Variants in SI observed in about 807,000 individuals in gnomAD.
SI encodes the protein sucrase-isomaltase.
A neutral mutation model predicts 253.3 loss-of-function variants in SI; 235 were observed. The ratio of observed to expected loss-of-function variants is 0.93; its 90% CI spans 0.83 to 1.03. The LOEUF (loss-of-function observed/expected upper bound fraction) is 1.03. Among genes scored for constraint, SI ranks in the 50% least tolerant of loss-of-function variants. SI has a pLI of 0.00. For missense variants in SI, 2,442 were observed against 2,211.1 expected, an observed-to-expected ratio of 1.10 and a Z score of -2.09; for synonymous variants, 819 against 712.0, an observed-to-expected ratio of 1.15 and a Z score of -2.39.
At chr3:165,039,808 A>T (rs2108216952) in intron 19 of SI, 79 bp downstream of exon 19, 1 of 956,610 alleles carries the variant, frequency 1.0e-6, no homozygotes, top group Non-Finnish European at 1.7e-6. Flanking sequence ...AACATCTATT[A>T]TTCAGATGTT....
chr3:165,038,570 T>A (rs148603712), intron 20 of SI, among the ~76,000 whole-genome samples: 273 of 129,316 alleles, frequency 2.1e-3, no homozygotes, highest in African/African-American at 5.4e-3. Context: ...AAAAAAAAAA[T>A]AAATAAATAT....
intron 25 of SI, among the ~76,000 whole-genome samples, chr3:165,023,985 C>T (rs1711767829): frequency 6.6e-6 from 1 of 151,332 alleles, no homozygotes; most frequent in African/African-American, 2.4e-5. Context: ...CATTTACACT[C>T]TAGAGAAAGA....
chr3:165,071,059 G>A (rs9810916), intron 3 of SI, among the ~76,000 whole-genome samples: 139,715 of 152,136 alleles, frequency 0.92, 64,179 homozygotes, highest in Middle Eastern at 0.96. Flanking sequence ...TTATAAGGAC[G>A]TTAGTCATTC....
At position 165,041,008 on chromosome 3, in the gene SI, G is replaced by A. The variant is rs1576903735; in HGVS notation, c.2091C>T (p.Pro697=). 3.1e-6 allele frequency: 5 copies of A among 1,612,342 alleles called. No homozygotes were observed. Among genetic ancestry groups the A allele is most frequent in the Non-Finnish European group, 4.2e-6 (5 of 1,178,840 alleles). ...QYLTIRYTLL[P]FLYTLFYKAH... ...CTTTATAAAACAGAGTGTAGAGGAA[G>A]GGTAATAAGGTGTAGCGAATAGTTA... Residue 697 remains proline, a synonymous_variant, in exon 18 of 48, where the codon CCC becomes CCT. Coordinates refer to ENST00000264382, the MANE Select transcript of SI (RefSeq NM_001041.4).
In SI at chr3:165,039,926, C is replaced by G. The variant is rs893468495; in HGVS notation, c.2205G>C (p.Leu735Phe). The change falls in exon 19 of 48, where the codon TTG becomes TTC. Residue 735 changes from leucine (L) to phenylalanine (F), a missense_variant. Transcript: ENST00000264382. ...TNSWIEDTEF[L>F]WGPALLITPV... ...GAGTAATAAGTAATGCAGGGCCCCA[C>G]AAAAACTCAGTGTCCTCAATCCAGC... 1 of 1,613,380 alleles carries G rather than the reference C, an allele frequency of 6.2e-7. No homozygotes were observed. The highest frequency in any genetic ancestry group is 2.2e-5 in the East Asian group (1 of 44,830).
In SI at chr3:165,062,425, A is replaced by G; in HGVS notation, c.966T>C (p.Asp322=). The change falls in exon 9 of 48, where the codon GAT becomes GAC. Residue 322 remains aspartate (D), a synonymous_variant. Coordinates refer to ENST00000264382, the MANE Select transcript of SI (RefSeq NM_001041.4). ...GTGTATCTCCTAGAAGGATGTAAAA[A>G]TCCAGAATGCCACCGGTAACTCTAT... ...VTYRVTGGIL[D]FYILLGDTPE... is the part of the protein sequence containing the mutation. 6.2e-7 allele frequency: 1 copy of G among 1,607,198 alleles called. No homozygotes were observed. Among genetic ancestry groups the G allele is most frequent in the South Asian group, 1.1e-5 (1 of 90,940 alleles).
At chr3:165,073,253 T>C (rs2108110952) in intron 3 of SI, among the ~76,000 whole-genome samples, 1 of 145,942 alleles carries the variant, frequency 6.9e-6, no homozygotes, top group South Asian at 2.2e-4. Context: ...TCTCTCTCTT[T>C]CGAGACGGAG....
chr3:165,013,542 C>A (rs556484881), intron 33 of SI, among the ~76,000 whole-genome samples: 1 of 152,190 alleles, frequency 6.6e-6, no homozygotes, highest in East Asian at 1.9e-4. Flanking sequence ...CACCACTATT[C>A]CCAGCCTGAC....
chr3:165,035,025 G>T (rs111239781), intron 22 of SI, among the ~76,000 whole-genome samples: 1 of 151,956 alleles, frequency 6.6e-6, no homozygotes, highest in Non-Finnish European at 1.5e-5. Flanking sequence ...GGTTGTGAGA[G>T]ATAATAGCCC....
chr3:165,011,673 G>A (rs1198695494), intron 34 of SI, among the ~76,000 whole-genome samples: 2 of 148,606 alleles, frequency 1.3e-5, no homozygotes, highest in Non-Finnish European at 3.0e-5. Flanking sequence ...TTTGCTCTCT[G>A]GTTGTTCTAT....
the SI span, among the ~76,000 whole-genome samples, chr3:165,085,385 C>T: frequency 1.8e-4 from 28 of 152,124 alleles, no homozygotes; most frequent in Non-Finnish European, 4.0e-4. Flanking sequence ...AAGATTACAG[C>T]AATCATCTTC....
chr3:165,021,840 G>A (rs960231380), intron 26 of SI, among the ~76,000 whole-genome samples: 6 of 151,402 alleles, frequency 4.0e-5, no homozygotes, highest in East Asian at 1.9e-4. Context: ...TATACTTACC[G>A]TTTTAGGGTC....
chr3:165,028,536 A>G (rs1194247197), intron 25 of SI, among the ~76,000 whole-genome samples: 4 of 151,708 alleles, frequency 2.6e-5, no homozygotes, highest in Non-Finnish European at 5.9e-5. Flanking sequence ...TTAATTTCAA[A>G]CTATACTATA....
At chr3:165,080,157 A>G (rs186713571), upstream of SI, among the ~76,000 whole-genome samples, 1 of 152,158 alleles carries the variant, frequency 6.6e-6, no homozygotes. Context: ...TTTATGCAAC[A>G]ACATTGATAA....
At position 165,032,584 on chromosome 3, in the gene SI, C is replaced by G; in HGVS notation, c.2674G>C (p.Val892Leu). ...TTCATTGGTTGATTATTTTCCGCCA[C>G]TCTAACTTCTGTAACACTGTCTGTC... is the stretch of plus-strand genomic sequence containing the variant. Reference protein sequence around the residue: ...GLTDSVTEVRVAENNQPMNAH... With the variant: ...GLTDSVTEVRLAENNQPMNAH... The change falls in exon 24 of 48, where the codon GTG becomes CTG. Residue 892 changes from valine (V) to leucine (L), a missense_variant. Transcript: ENST00000264382. 1 of 1,609,644 alleles carries G rather than the reference C, an allele frequency of 6.2e-7. No individual in the cohort carries two copies. The highest frequency in any genetic ancestry group is 8.5e-7 in the Non-Finnish European group (1 of 1,177,166).
chr3:165,037,907 T>TTGTTG lies in SI; in HGVS notation c.2414_2418dup (p.Thr807GlnfsTer10). On this transcript the variant is annotated frameshift_variant, in exon 21 of 48. Transcript: ENST00000264382. LOFTEE classifies it high-confidence loss of function. ...AATGATTTTTCATTTTACCTTGCTG[T>TTGTTG]TGTTGTTACATCTGGTTCTTGAATG... The TTGTTG allele has an allele frequency of 6.2e-7, 1 of 1,600,684 alleles. No individual in the cohort carries two copies. Among genetic ancestry groups the TTGTTG allele is most frequent in the African/African-American group, 1.3e-5 (1 of 74,764 alleles).
chr3:165,000,559 T>C (rs1259702035), intron 37 of SI, among the ~76,000 whole-genome samples: 1 of 151,448 alleles, frequency 6.6e-6, no homozygotes, highest in East Asian at 1.9e-4. Flanking sequence ...ATATTTACTA[T>C]TGTTAATTGT....
Position 165,059,817 on chromosome 3 carries a change from A to G in SI, c.1146+85T>C, listed in dbSNP as rs974297384. 1.2e-5 allele frequency: 16 copies of G among 1,353,872 alleles called. No individual in the cohort carries two copies. In the African/African-American group the frequency reaches 2.1e-4, roughly 18 times the overall value. 83.9% of individuals were successfully genotyped at this position (1,353,872 alleles called of 1,614,324 possible). The stretch of plus-strand genomic sequence containing the variant: ...TTATATGATATAATGTATATAGTAG[A>G]TACTCCTGACAATTTCCTACAGTTC... On this transcript the variant is annotated intron_variant, in intron 10 of 47. Coordinates refer to ENST00000264382, the MANE Select transcript of SI (RefSeq NM_001041.4).
At chr3:165,058,900 A>ACACCC in intron 12 of SI, 63 bp downstream of exon 12, 1 of 1,389,762 alleles carries the variant, frequency 7.2e-7, no homozygotes, top group Non-Finnish European at 1.0e-6. Flanking sequence ...ACATCCACAG[A>ACACCC]AACTTTATTA....
Sources: gnomAD v4.1 joint callset for allele counts (sites outside exome capture counted in the v4.1 genomes callset) on GRCh38, gnomAD v4.1.1 for gene constraint, MANE v1.5 for transcripts, NCBI Gene and HGNC (gene_info 2026-07-23, HGNC 2026-07-21) for gene names.